The following EBF1 variants were observed in gnomAD, a reference collection of about 807,000 sequenced individuals.
EBF1 encodes the protein transcription factor COE1.
A neutral mutation model predicts 68.4 loss-of-function variants in EBF1; 10 were observed. That is an observed-to-expected ratio of 0.15 (90% confidence interval 0.09 to 0.25). EBF1 has a LOEUF of 0.25. EBF1 is among the 10% of genes least tolerant of loss of function. The pLI is 1.00. For missense variants in EBF1, 509 were observed against 794.4 expected, an observed-to-expected ratio of 0.64 and a Z score of 4.32; for synonymous variants, 298 against 299.8, an observed-to-expected ratio of 0.99 and a Z score of 0.06.
Position 158,698,954 on chromosome 5 carries a change from T to C in EBF1, c.*157A>G. ...AGATCCCTCTTCCAATTTCAGTATT[T>C]GCAAGGTCGGTGATTTTGTTTGTTT... On this transcript the variant is annotated 3_prime_UTR_variant, in exon 16 of 16. Transcript: ENST00000313708. 1 of 582,058 alleles carries C rather than the reference T, an allele frequency of 1.7e-6. No individual in the cohort carries two copies. The highest frequency in any genetic ancestry group is 2.8e-6 in the Non-Finnish European group (1 of 357,292). 36.1% of individuals were successfully genotyped at this position (582,058 alleles called of 1,614,324 possible).
At chr5:158,971,538 C>A (rs1464240956) in intron 6 of EBF1, among the ~76,000 whole-genome samples, 1 of 152,164 alleles carries the variant, frequency 6.6e-6, no homozygotes, top group African/African-American at 2.4e-5. Context: ...ACCTCCCGCC[C>A]AGGTCAAGGC....
At chr5:158,803,914 T>A (rs1781083916) in intron 8 of EBF1, among the ~76,000 whole-genome samples, 1 of 148,854 alleles carries the variant, frequency 6.7e-6, no homozygotes, top group South Asian at 2.2e-4. Context: ...TGGCAAAGAT[T>A]CATGTATTAT....
chr5:159,042,103 C>T (rs1427395712), intron 6 of EBF1, among the ~76,000 whole-genome samples: 1 of 152,096 alleles, frequency 6.6e-6, no homozygotes, highest in East Asian at 1.9e-4. Flanking sequence ...TTTTCCCATG[C>T]AAAAAAGCTT....
At chr5:159,016,915 C>A (rs1765717894) in intron 6 of EBF1, among the ~76,000 whole-genome samples, 1 of 152,186 alleles carries the variant, frequency 6.6e-6, no homozygotes, top group South Asian at 2.1e-4. Context: ...GAGAGATGAC[C>A]TTAGAGGAAA....
At chr5:158,745,045 T>G (rs545340081) in intron 10 of EBF1, among the ~76,000 whole-genome samples, 91 of 152,336 alleles carry the variant, frequency 6.0e-4, no homozygotes, top group African/African-American at 2.1e-3. Flanking sequence ...CACAAAATAT[T>G]GACAAAATAT....
At chr5:159,053,924 G>A (rs972508103) in intron 6 of EBF1, among the ~76,000 whole-genome samples, 4 of 152,198 alleles carry the variant, frequency 2.6e-5, no homozygotes, top group Non-Finnish European at 2.9e-5. Context: ...TAAGGACCTC[G>A]CCTTAGGGCA....
intron 6 of EBF1, among the ~76,000 whole-genome samples, chr5:159,005,657 A>G (rs1265115908): frequency 6.6e-6 from 1 of 152,166 alleles, no homozygotes; most frequent in Non-Finnish European, 1.5e-5. Flanking sequence ...TCTTTTCTGC[A>G]TAAAAAAAAC....
chr5:158,858,319 A>G (rs567647664), intron 6 of EBF1, among the ~76,000 whole-genome samples: 1 of 152,298 alleles, frequency 6.6e-6, no homozygotes, highest in South Asian at 2.1e-4. Context: ...CGCCTGACAC[A>G]TGCTGCCTTC....
At position 159,098,877 on chromosome 5, in the gene EBF1, GAAAGAAAAAAAGAAAGAA is replaced by G. The variant is rs1219878689; in HGVS notation, c.134+450_134+467del. Reference sequence around the variant, plus strand: ...AAAGAAAAAGGAAAAAGAAAAGGAGGAAAGAAAAAAAGAAAGAAAAAGAAAAAAGAAAGAAAAAGGAAG... The same window carrying G: ...AAAGAAAAAGGAAAAAGAAAAGGAGGAAAGAAAAAAGAAAGAAAAAGGAAG... On this transcript the variant is annotated intron_variant, in intron 1 of 15. Coordinates refer to ENST00000313708, the MANE Select transcript of EBF1 (RefSeq NM_024007.5). 4.4e-3 allele frequency among the ~76,000 whole-genome samples: 611 copies of G among 138,488 alleles called. 8 individuals carry two copies. The highest frequency in any genetic ancestry group is 0.015 in the African/African-American group (575 of 37,534). 90.9% of individuals were successfully genotyped at this position (138,488 alleles called of 152,430 possible).
chr5:159,095,348 T>G (rs1452883833), intron 4 of EBF1, among the ~76,000 whole-genome samples: 2 of 152,066 alleles, frequency 1.3e-5, no homozygotes, highest in African/African-American at 4.8e-5. Context: ...CAGAGGAAAT[T>G]CAGCCCTTTT....
chr5:158,891,939 A>T (rs10060552), intron 6 of EBF1, among the ~76,000 whole-genome samples: 1 of 152,160 alleles, frequency 6.6e-6, no homozygotes, highest in Non-Finnish European at 1.5e-5. Context: ...CCAATGAGTT[A>T]CCATTCACCT....
chr5:158,856,516 T>C (rs574252308), intron 6 of EBF1, among the ~76,000 whole-genome samples: 3 of 152,366 alleles, frequency 2.0e-5, no homozygotes, highest in Admixed American at 6.5e-5. Context: ...CCTTTGATGA[T>C]GGTTGATTCT....
At chr5:158,891,687 C>T (rs998269508) in intron 6 of EBF1, among the ~76,000 whole-genome samples, 1 of 152,074 alleles carries the variant, frequency 6.6e-6, no homozygotes, top group African/African-American at 2.4e-5. Context: ...TATGTTTACG[C>T]ATACGTATGT....
chr5:158,786,165 AC>A (rs1277499417), intron 9 of EBF1, among the ~76,000 whole-genome samples: 1 of 151,984 alleles, frequency 6.6e-6, no homozygotes, highest in Non-Finnish European at 1.5e-5. Context: ...ACAAACAACA[AC>A]AAAAAAAAAA....
At chr5:158,946,110 C>T (rs1318932337) in intron 6 of EBF1, among the ~76,000 whole-genome samples, 2 of 152,040 alleles carry the variant, frequency 1.3e-5, no homozygotes, top group African/African-American at 4.8e-5. Flanking sequence ...TCTTAGCTTC[C>T]TTGCATTGGG....
chr5:158,705,253 C>G (rs936003790), intron 15 of EBF1, among the ~76,000 whole-genome samples: 21 of 152,316 alleles, frequency 1.4e-4, no homozygotes, highest in Non-Finnish European at 2.6e-4. Context: ...AGTGCTGAGA[C>G]TACAGGTGTG....
chr5:158,841,907 G>C (rs1421167298), intron 6 of EBF1, among the ~76,000 whole-genome samples: 2 of 152,158 alleles, frequency 1.3e-5, no homozygotes, highest in Non-Finnish European at 2.9e-5. Context: ...CACAACATTT[G>C]ACTGCCCATC....
chr5:159,077,745 CTT>C (rs58717165), intron 5 of EBF1, among the ~76,000 whole-genome samples: 12 of 80,624 alleles, frequency 1.5e-4, no homozygotes, highest in South Asian at 4.3e-4. Context: ...CAGTGGTTTG[CTT>C]TTTTTTTTTT....
intron 6 of EBF1, among the ~76,000 whole-genome samples, chr5:158,919,964 T>A (rs1441968476): frequency 2.0e-5 from 3 of 151,914 alleles, no homozygotes; most frequent in Non-Finnish European, 4.4e-5. Context: ...GAAAGAAAAA[T>A]CTAGAGGAAA....
Sources: allele counts gnomAD v4.1 joint callset (sites outside exome capture counted in the v4.1 genomes callset), GRCh38; gene constraint gnomAD v4.1.1; transcripts MANE v1.5; gene names NCBI Gene and HGNC (gene_info 2026-07-23, HGNC 2026-07-21).